CSK: variants seen among roughly 807,000 people sequenced by gnomAD.
The protein encoded by CSK is tyrosine-protein kinase CSK.
In CSK, 7 loss-of-function variants were observed where a neutral mutation model predicts 62.3. That is an observed-to-expected ratio of 0.11 (90% CI 0.06 to 0.21). The LOEUF (loss-of-function observed/expected upper bound fraction) is 0.21, where lower values mean the gene tolerates loss of function less well. CSK is among the 10% of genes least tolerant of loss of function. The pLI, the probability that CSK is intolerant of heterozygous loss-of-function variation, is 1.00. For missense variants in CSK, 294 were observed against 613.5 expected, an observed-to-expected ratio of 0.48 and a Z score of 5.50; for synonymous variants, 237 against 246.0, an observed-to-expected ratio of 0.96 and a Z score of 0.34.
chr15:74,787,572 G>A (rs1257993214), intron 1 of CSK, among the ~76,000 whole-genome samples: 1 of 151,998 alleles, frequency 6.6e-6, no homozygotes, highest in African/African-American at 2.4e-5. Flanking sequence ...TGCCCTTTCT[G>A]CCTGCTCAGT....
At chr15:74,786,035 G>A (rs2063516640) in intron 1 of CSK, among the ~76,000 whole-genome samples, 1 of 100,718 alleles carries the variant, frequency 9.9e-6, no homozygotes, top group African/African-American at 3.1e-5. Flanking sequence ...GTGTGTGTGT[G>A]TGTGTGTGAG....
rs1245762134 is a variant in CSK, at chr15:74,802,426, C to T, written c.1266C>T (p.Cys422=). The change falls in exon 13 of 13, where the codon TGC becomes TGT. Residue 422 remains cysteine (C), a synonymous_variant. Transcript: ENST00000220003. The part of the protein sequence containing the change: ...PPAVYEVMKN[C]WHLDAAMRPS... ...CAGTCTATGAAGTCATGAAGAACTG[C>T]TGGCACCTGGACGCCGCCATGCGGC... The T allele has an allele frequency of 6.2e-7, 1 of 1,613,022 alleles. No homozygotes were observed. The highest frequency in any genetic ancestry group is 8.5e-7 in the Non-Finnish European group (1 of 1,179,842).
chr15:74,800,724 C>T lies in CSK; in HGVS notation c.600C>T (p.Thr200=). 6.4e-7 allele frequency: 1 copy of T among 1,570,112 alleles called. No individual in the cohort carries two copies. The change falls in exon 7 of 13, where the codon ACC becomes ACT. Residue 200 remains threonine, a synonymous_variant. Coordinates refer to ENST00000220003, the MANE Select transcript of CSK (RefSeq NM_004383.3). The part of the protein sequence containing the change: ...LNMKELKLLQ[T]IGKGEFGDVM... ...TGAAGGAGCTGAAGCTGCTGCAGAC[C>T]ATCGGGAAGGGGGAGTTCGGAGGTG... is the stretch of plus-strand genomic sequence containing the variant.
chr15:74,799,150 C>T, intron 4 of CSK, 122 bp from the exon 5 acceptor site: 1 of 1,088,650 alleles, frequency 9.2e-7, no homozygotes, highest in South Asian at 1.5e-5. Flanking sequence ...AAGAAGAGGG[C>T]CTCAAATGCC....
chr15:74,802,683 C>A lies in CSK; in HGVS notation c.*170C>A. On this transcript the variant is annotated 3_prime_UTR_variant, in exon 13 of 13. Transcript: ENST00000220003. Reference sequence around the variant, plus strand: ...CCGGCCCCGTCTCTCTTGGACCCACCTGTGGGGCCTGGGGAGCCCACTGAG... The same window carrying A: ...CCGGCCCCGTCTCTCTTGGACCCACATGTGGGGCCTGGGGAGCCCACTGAG... The A allele has an allele frequency of 1.3e-6, 1 of 790,980 alleles. No individual in the cohort carries two copies. The highest frequency in any genetic ancestry group is 1.9e-6 in the Non-Finnish European group (1 of 537,082). The allele number at this position is 790,980 out of a possible 1,614,324, so 49.0% of individuals were successfully genotyped here. A position where few individuals can be genotyped will look rare whatever the true frequency, so the allele number is the denominator to read the frequency against.
chr15:74,792,120 C>T lies in CSK; in HGVS notation c.-65-6113C>T, dbSNP rs115645434. Among the ~76,000 whole-genome samples, 1,272 of 152,250 alleles carry T rather than the reference C, an allele frequency of 8.4e-3. 11 individuals are homozygous for T. Among genetic ancestry groups the T allele is most frequent in the African/African-American group, 0.029 (1,190 of 41,512 alleles). On this transcript the variant is annotated intron_variant, in intron 1 of 12. Coordinates refer to ENST00000220003, the MANE Select transcript of CSK (RefSeq NM_004383.3). ...CATCACAGCTAGAGCTATGCTGTCC[C>T]CTTTCAGGGACATCTTGTAATTTAT...
At chr15:74,787,297 G>C (rs889691282) in intron 1 of CSK, among the ~76,000 whole-genome samples, 6 of 152,218 alleles carry the variant, frequency 3.9e-5, no homozygotes, top group Admixed American at 3.9e-4. Context: ...GCAGGGAGAG[G>C]CTGGCTTTGG....
chr15:74,800,274 G>A, intron 5 of CSK, 138 bp from the exon 6 acceptor site: 2 of 707,888 alleles, frequency 2.8e-6, no homozygotes, highest in Admixed American at 2.2e-5. Context: ...TGCCCTACCA[G>A]AAATGGGGAG....
intron 1 of CSK, among the ~76,000 whole-genome samples, chr15:74,786,712 C>T (rs1258361508): frequency 6.6e-6 from 1 of 152,094 alleles, no homozygotes; most frequent in Non-Finnish European, 1.5e-5. Context: ...GAGTGCCCTC[C>T]TACAGCCACC....
intron 5 of CSK, 108 bp from the exon 6 acceptor site, chr15:74,800,304 C>G: frequency 1.1e-6 from 1 of 935,308 alleles, no homozygotes; most frequent in East Asian, 2.6e-5. Flanking sequence ...CTCAGTGACT[C>G]CAGGCTAGGC....
chr15:74,800,373 T>G (rs768173438), intron 5 of CSK, 39 bp from the exon 6 acceptor site: 1 of 1,589,276 alleles, frequency 6.3e-7, no homozygotes, highest in Non-Finnish European at 8.6e-7. Flanking sequence ...TGGGGCACCT[T>G]GGGCTGTCTC....
Position 74,801,836 on chromosome 15 carries a change from G to C in CSK, c.1029G>C (p.Gln343His). The change falls in exon 11 of 13, where the codon CAG (glutamine) becomes CAC (histidine). Residue 343 changes from glutamine to histidine, a missense_variant. Physicochemically the swap from Gln to His is conservative, Grantham distance 24. Around this residue, in one of 3 missense-constraint regions of CSK, gnomAD observed 26 missense variants for 98.4 expected, o/e 0.26. Coordinates refer to ENST00000220003, the MANE Select transcript of CSK (RefSeq NM_004383.3). The part of the protein sequence containing the change: ...FGLTKEASST[Q>H]DTGKLPVKWT... ...TCACCAAGGAGGCGTCCAGCACCCA[G>C]GACACGGGCAAGCTGCCAGTCAAGT... 6.2e-7 allele frequency: 1 copy of C among 1,613,602 alleles called. No homozygotes were observed. The highest frequency in any genetic ancestry group is 8.5e-7 in the Non-Finnish European group (1 of 1,179,850).
chr15:74,799,056 G>C, intron 4 of CSK, 118 bp downstream of exon 4: 2 of 1,072,474 alleles, frequency 1.9e-6, no homozygotes, highest in Non-Finnish European at 2.7e-6. Context: ...GCCTCAGGAG[G>C]AGGTGCAGGG....
intron 4 of CSK, 64 bp from the exon 5 acceptor site, chr15:74,799,208 C>A: frequency 6.6e-7 from 1 of 1,512,712 alleles, no homozygotes. Context: ...GGAACCCCTT[C>A]AGAAAGGGGA....
chr15:74,798,484 C>T lies in CSK; in HGVS notation c.16-131C>T. The T allele has an allele frequency of 8.2e-7, 1 of 1,215,250 alleles. No homozygotes were observed. Among genetic ancestry groups the T allele is most frequent in the African/African-American group, 1.5e-5 (1 of 66,470 alleles). The allele number at this position is 1,215,250 out of a possible 1,614,324, so 75.3% of individuals were successfully genotyped here. A position where few individuals can be genotyped will look rare whatever the true frequency, so the allele number is the denominator to read the frequency against. ...AGTCTCAACAGGAAGGGACCCAGGG[C>T]TCGTTCTCCGGGCAGAGCACCTCAC... On this transcript the variant is annotated intron_variant, in intron 2 of 12. Coordinates refer to ENST00000220003, the MANE Select transcript of CSK (RefSeq NM_004383.3). The surrounding 1 kb of genome is among the most constrained non-coding windows in gnomAD (Gnocchi z 6.6).
At chr15:74,791,966 C>T (rs1238932866) in intron 1 of CSK, among the ~76,000 whole-genome samples, 2 of 152,224 alleles carry the variant, frequency 1.3e-5, no homozygotes, top group African/African-American at 4.8e-5. Flanking sequence ...TGGGATGGGA[C>T]TTGGAAGCTG....
intron 9 of CSK, 139 bp downstream of exon 9, chr15:74,801,241 T>TA: frequency 1.1e-6 from 1 of 918,032 alleles, no homozygotes; most frequent in South Asian, 1.6e-5. Flanking sequence ...TGTCCTGGTT[T>TA]ACCATTCATT....
chr15:74,787,973 G>C (rs1368598432), intron 1 of CSK, among the ~76,000 whole-genome samples: 1 of 152,210 alleles, frequency 6.6e-6, no homozygotes, highest in African/African-American at 2.4e-5. Context: ...TAGAGGAGAC[G>C]AGGAGTCAGT....
chr15:74,802,366 C>T lies in CSK; in HGVS notation c.1206C>T (p.Gly402=). 6.2e-7 allele frequency: 1 copy of T among 1,609,806 alleles called. No individual in the cohort carries two copies. Among genetic ancestry groups the T allele is most frequent in the Non-Finnish European group, 8.5e-7 (1 of 1,179,054 alleles). ...ACGTCGTCCCTCGGGTGGAGAAGGG[C>T]TACAAGATGGATGCCCCCGACGGCT... ...LKDVVPRVEK[G]YKMDAPDGCP... The change falls in exon 13 of 13, where the codon GGC becomes GGT. Residue 402 remains glycine, a synonymous_variant. Transcript: ENST00000220003.
Sources: allele counts gnomAD v4.1 joint callset (sites outside exome capture counted in the v4.1 genomes callset), GRCh38; gene constraint gnomAD v4.1.1; regional missense constraint gnomAD v4.1.1; non-coding constraint Gnocchi (gnomAD v3.1); transcripts MANE v1.5; gene names NCBI Gene and HGNC (gene_info 2026-07-23, HGNC 2026-07-21).